Variants in TCF7L2 observed in about 807,000 individuals in gnomAD.
The protein encoded by TCF7L2 is transcription factor 7 like 2.
Under a neutral mutation model 77.9 loss-of-function variants are expected in TCF7L2, and 23 were observed. The ratio of observed to expected loss-of-function variants is 0.30; its 90% CI spans 0.21 to 0.42. The LOEUF is 0.42. TCF7L2 is among the 10% of genes least tolerant of loss of function. TCF7L2 has a pLI of 1.00. For missense variants in TCF7L2, 654 were observed against 793.1 expected, an observed-to-expected ratio of 0.82 and a Z score of 2.11; for synonymous variants, 413 against 340.2, an observed-to-expected ratio of 1.21 and a Z score of -2.36.
At chr10:113,099,830 TG>T (rs768738231) in intron 5 of TCF7L2, among the ~76,000 whole-genome samples, 3 of 149,884 alleles carry the variant, frequency 2.0e-5, no homozygotes, top group Non-Finnish European at 4.4e-5. Context: ...GCAGTGACCC[TG>T]GGCAGAAAGC....
At chr10:112,979,128 A>G (rs1051416617) in intron 4 of TCF7L2, among the ~76,000 whole-genome samples, 1 of 151,888 alleles carries the variant, frequency 6.6e-6, no homozygotes. Context: ...TTCATCTTTC[A>G]TGGAGTGGAC....
intron 4 of TCF7L2, among the ~76,000 whole-genome samples, chr10:112,979,372 G>A (rs1447196180): frequency 1.3e-5 from 2 of 152,134 alleles, no homozygotes; most frequent in South Asian, 2.1e-4. Flanking sequence ...CCCATTCCGG[G>A]CACATCTTTT....
At chr10:113,068,052 CAGTT>C (rs576457956) in intron 5 of TCF7L2, among the ~76,000 whole-genome samples, 1 of 152,128 alleles carries the variant, frequency 6.6e-6, no homozygotes, top group Non-Finnish European at 1.5e-5. Flanking sequence ...TTATGGACCT[CAGTT>C]AGACTCTGAT....
intron 5 of TCF7L2, among the ~76,000 whole-genome samples, chr10:113,073,481 C>G (rs1181682671): frequency 1.4e-5 from 1 of 72,944 alleles, no homozygotes. Flanking sequence ...GGCTGGGCAA[C>G]AAAGCAAGAC....
chr10:113,020,360 C>T (rs946599675), intron 4 of TCF7L2, among the ~76,000 whole-genome samples: 3 of 152,160 alleles, frequency 2.0e-5, no homozygotes, highest in Non-Finnish European at 2.9e-5. Context: ...CCACCTCCCC[C>T]TCTCCTCACC....
At chr10:113,120,275 G>A (rs2064565034) in intron 5 of TCF7L2, among the ~76,000 whole-genome samples, 1 of 152,192 alleles carries the variant, frequency 6.6e-6, no homozygotes, top group African/African-American at 2.4e-5. Context: ...GGGACAGGAG[G>A]TCACAACTGT....
chr10:113,039,874 T>C, intron 4 of TCF7L2, 151 bp from the exon 5 acceptor site: 1 of 652,388 alleles, frequency 1.5e-6, no homozygotes, highest in East Asian at 2.8e-5. Flanking sequence ...CCTATTGGAA[T>C]TGCATGCTTT....
chr10:113,039,741 G>A (rs1309122388), intron 4 of TCF7L2, among the ~76,000 whole-genome samples: 1 of 152,002 alleles, frequency 6.6e-6, no homozygotes, highest in African/African-American at 2.4e-5. Flanking sequence ...AGTTAAGGTA[G>A]TAGTAATGAA....
chr10:113,079,593 G>A (rs1457902249), intron 5 of TCF7L2, among the ~76,000 whole-genome samples: 2 of 152,166 alleles, frequency 1.3e-5, no homozygotes, highest in Admixed American at 1.3e-4. Context: ...AAAAACTGAG[G>A]GTTGTTTCAG....
At position 112,964,633 on chromosome 10, in the gene TCF7L2, C is replaced by A. The variant is rs189680291; in HGVS notation, c.450+9C>A. ...ACCAGATTGCAGTTCAGGTAGGAAA[C>A]GCAAGAGATTCTGAAGCTTGAATTG... is the stretch of plus-strand genomic sequence containing the variant. On this transcript the variant is annotated intron_variant, in intron 4 of 13. Coordinates refer to ENST00000627217, the MANE Select transcript of TCF7L2 (RefSeq NM_001146274.2). 7.4e-6 allele frequency: 12 copies of A among 1,611,172 alleles called. No homozygotes were observed. Among genetic ancestry groups the A allele is most frequent in the African/African-American group, 1.3e-5 (1 of 74,788 alleles).
At chr10:112,969,935 C>T (rs574765727) in intron 4 of TCF7L2, among the ~76,000 whole-genome samples, 9 of 152,192 alleles carry the variant, frequency 5.9e-5, no homozygotes, top group African/African-American at 2.2e-4. Flanking sequence ...CAGCATTATT[C>T]CAAACCTATG....
At chr10:113,097,314 A>G (rs909942909) in intron 5 of TCF7L2, among the ~76,000 whole-genome samples, 2 of 151,734 alleles carry the variant, frequency 1.3e-5, no homozygotes, top group Non-Finnish European at 1.5e-5. Flanking sequence ...GGTTGTCACA[A>G]CTCTCTCTCA....
intron 4 of TCF7L2, among the ~76,000 whole-genome samples, chr10:113,038,813 C>T (rs974752408): frequency 3.3e-5 from 5 of 152,136 alleles, no homozygotes; most frequent in Non-Finnish European, 7.3e-5. Context: ...TCCCCGAGAG[C>T]GGACATCTTT....
At chr10:113,057,205 T>A (rs183175041) in intron 5 of TCF7L2, among the ~76,000 whole-genome samples, 1 of 152,280 alleles carries the variant, frequency 6.6e-6, no homozygotes, top group African/African-American at 2.4e-5. Context: ...TACTTGGTGA[T>A]TACCCATGGG....
chr10:112,952,761 C>T lies in TCF7L2; in HGVS notation c.381+1154C>T, dbSNP rs527879205. On this transcript the variant is annotated intron_variant, in intron 3 of 13. Coordinates refer to ENST00000627217, the MANE Select transcript of TCF7L2 (RefSeq NM_001146274.2). ...AGCGCGGGGTGCCGGGCTCGGGGGGCGCTTCCTGCAGGGTCGGTCCCGCGC... is the reference window on the plus strand; with the variant it reads ...AGCGCGGGGTGCCGGGCTCGGGGGGTGCTTCCTGCAGGGTCGGTCCCGCGC... 5.9e-5 allele frequency among the ~76,000 whole-genome samples: 9 copies of T among 152,214 alleles called. No homozygotes were observed. In the East Asian group the frequency reaches 7.8e-4, roughly 13 times the overall value.
At chr10:113,164,962 G>A (rs541026680) in intron 13 of TCF7L2, among the ~76,000 whole-genome samples, 28 of 152,204 alleles carry the variant, frequency 1.8e-4, no homozygotes, top group Non-Finnish European at 3.7e-4. Flanking sequence ...GCTGCCTTCA[G>A]CTATGTGGGC....
chr10:113,163,951 G>A (rs2073618433), intron 13 of TCF7L2, among the ~76,000 whole-genome samples: 1 of 152,214 alleles, frequency 6.6e-6, no homozygotes, highest in Non-Finnish European at 1.5e-5. Context: ...CCTTTCCAAG[G>A]CCAGTGACAT....
At chr10:112,969,736 C>A (rs1319190741) in intron 4 of TCF7L2, among the ~76,000 whole-genome samples, 1 of 152,202 alleles carries the variant, frequency 6.6e-6, no homozygotes, top group Non-Finnish European at 1.5e-5. Flanking sequence ...GCCCCAGCTC[C>A]TAGGAACTCC....
chr10:113,150,160 T>G (rs543716180), intron 8 of TCF7L2, among the ~76,000 whole-genome samples: 1 of 152,316 alleles, frequency 6.6e-6, no homozygotes, highest in Admixed American at 6.5e-5. Context: ...ACACAAACTG[T>G]ATCTTTCATT....
Sources: gnomAD v4.1 joint callset for allele counts (sites outside exome capture counted in the v4.1 genomes callset) on GRCh38, gnomAD v4.1.1 for gene constraint, MANE v1.5 for transcripts, NCBI Gene and HGNC (gene_info 2026-07-23, HGNC 2026-07-21) for gene names.